ITPR1: variants seen among roughly 807,000 people sequenced by gnomAD.
ITPR1 encodes inositol 1,4,5-trisphosphate-gated calcium channel ITPR1.
In ITPR1, 96 loss-of-function variants were observed where a neutral mutation model predicts 318.4. The ratio of observed to expected loss-of-function variants is 0.30; its 90% CI spans 0.26 to 0.36. ITPR1 has a LOEUF of 0.36. Ranked by LOEUF, ITPR1 falls within the 10% of genes least tolerant of loss-of-function variation. The probability of loss-of-function intolerance (pLI) is 1.00; values close to 1 mark genes in which losing one functional copy is unlikely to be tolerated. For missense variants in ITPR1, 2,440 were observed against 3,460.2 expected (o/e 0.71, Z 7.40); for synonymous variants, 1,312 against 1,289.9 (o/e 1.02, Z -0.37).
At chr3:4,728,570 C>T (rs2042688326) in intron 42 of ITPR1, among the ~76,000 whole-genome samples, 1 of 152,162 alleles carries the variant, frequency 6.6e-6, no homozygotes, top group Admixed American at 6.5e-5. Flanking sequence ...TCCCCTCAAG[C>T]ATTTATCCTT....
rs558427838 is a variant in ITPR1 at position 4,551,933 on chromosome 3, C to T, written c.163+30839C>T. ...GAAAAGATAATTTGATTGACTCTAACGAACATTTATTACATATGCTCTGGA... is the reference window on the plus strand; with the variant it reads ...GAAAAGATAATTTGATTGACTCTAATGAACATTTATTACATATGCTCTGGA... On this transcript the variant is annotated intron_variant, in intron 4 of 61. Transcript: ENST00000649015. Among the ~76,000 whole-genome samples, 10 of 152,298 alleles carry T rather than the reference C, an allele frequency of 6.6e-5. No individual in the cohort carries two copies. In the South Asian group the frequency reaches 1.2e-3, roughly 19 times the overall value.
At chr3:4,771,981 C>T (rs865840308) in intron 46 of ITPR1, among the ~76,000 whole-genome samples, 30 of 152,084 alleles carry the variant, frequency 2.0e-4, no homozygotes, top group African/African-American at 7.0e-4. Flanking sequence ...TTCTGCAGGG[C>T]CCAGTTAGAA....
chr3:4,657,397 G>T (rs55828453), intron 12 of ITPR1, among the ~76,000 whole-genome samples: 14,130 of 124,304 alleles, frequency 0.11, 1,844 homozygotes, highest in African/African-American at 0.33. Context: ...TTTTTTTTTT[G>T]TTTTTTTTTT....
At chr3:4,638,631 G>A (rs1021673879) in intron 5 of ITPR1, among the ~76,000 whole-genome samples, 4 of 152,306 alleles carry the variant, frequency 2.6e-5, no homozygotes, top group Admixed American at 2.0e-4. Flanking sequence ...ATTATTAAGC[G>A]AAGATTTAAA....
intron 44 of ITPR1, among the ~76,000 whole-genome samples, chr3:4,742,331 A>T (rs146558744): frequency 0.017 from 2,586 of 152,358 alleles, 21 homozygotes; most frequent in Non-Finnish European, 0.026. Flanking sequence ...GTTACGAAGA[A>T]CATGAGGGTA....
intron 12 of ITPR1, among the ~76,000 whole-genome samples, 176 bp from the exon 13 acceptor site, chr3:4,657,948 C>T (rs2093750038): frequency 6.6e-6 from 1 of 152,132 alleles, no homozygotes; most frequent in African/African-American, 2.4e-5. Flanking sequence ...CGTAAATATC[C>T]CTGGCTGCAT....
At chr3:4,734,617 T>G (rs2043148759) in intron 43 of ITPR1, among the ~76,000 whole-genome samples, 1 of 152,256 alleles carries the variant, frequency 6.6e-6, no homozygotes, top group Non-Finnish European at 1.5e-5. Flanking sequence ...CCTCTCTTCT[T>G]AAGTATATTC....
At chr3:4,511,785 C>T (rs1199157762) in intron 2 of ITPR1, among the ~76,000 whole-genome samples, 1 of 152,140 alleles carries the variant, frequency 6.6e-6, no homozygotes, top group Non-Finnish European at 1.5e-5. Flanking sequence ...CTGCCATGGG[C>T]TGAGAGGTGC....
chr3:4,583,867 T>A (rs963849704), intron 4 of ITPR1, among the ~76,000 whole-genome samples: 8 of 152,206 alleles, frequency 5.3e-5, no homozygotes, highest in Non-Finnish European at 1.0e-4. Flanking sequence ...ACTAATGAGA[T>A]GTTTACACAT....
At chr3:4,830,259 A>G (rs2050386565) in intron 60 of ITPR1, among the ~76,000 whole-genome samples, 1 of 152,008 alleles carries the variant, frequency 6.6e-6, no homozygotes, top group Non-Finnish European at 1.5e-5. Context: ...TACAGGCGTG[A>G]GCCACCATGC....
chr3:4,590,418 G>A (rs944993905), intron 4 of ITPR1, among the ~76,000 whole-genome samples: 1 of 151,560 alleles, frequency 6.6e-6, no homozygotes, highest in African/African-American at 2.4e-5. Flanking sequence ...GCATTATGGT[G>A]TTTCTGGCTT....
intron 43 of ITPR1, 34 bp from the exon 44 acceptor site, chr3:4,735,130 T>G (rs2043183351): frequency 6.4e-7 from 1 of 1,557,946 alleles, no homozygotes; most frequent in Non-Finnish European, 8.8e-7. Flanking sequence ...CTGTTCTGAT[T>G]GTGCTTAGTA....
intron 31 of ITPR1, among the ~76,000 whole-genome samples, chr3:4,690,592 AAAG>A (rs1222898724): frequency 6.6e-6 from 1 of 152,192 alleles, no homozygotes; most frequent in African/African-American, 2.4e-5. Flanking sequence ...CTTAGACCCA[AAAG>A]AAGTATGGGT....
At position 4,779,715 on chromosome 3, in the gene ITPR1, A is replaced by C; in HGVS notation, c.6387+70A>C. The C allele has an allele frequency of 1.5e-5, 16 of 1,075,096 alleles. No homozygotes were observed. Among genetic ancestry groups the C allele is most frequent in the Non-Finnish European group, 2.0e-5 (14 of 704,042 alleles). The allele number at this position is 1,075,096 out of a possible 1,614,324, so 66.6% of individuals were successfully genotyped here. A position where few individuals can be genotyped will look rare whatever the true frequency, so the allele number is the denominator to read the frequency against. On this transcript the variant is annotated intron_variant, in intron 49 of 61. Transcript: ENST00000649015. This position sits in a 1 kb window ranked among gnomAD's most constrained non-coding sequence, Gnocchi z 4.0. ...GACGATATTTGGGACAGAGCAGAGGATCTGCTTCCTGGAGCTTTCTTGAAG... is the reference window on the plus strand; with the variant it reads ...GACGATATTTGGGACAGAGCAGAGGCTCTGCTTCCTGGAGCTTTCTTGAAG...
intron 17 of ITPR1, 89 bp downstream of exon 17, chr3:4,665,385 T>A: frequency 8.1e-7 from 1 of 1,227,222 alleles, no homozygotes; most frequent in Non-Finnish European, 1.2e-6. Flanking sequence ...GTCACATGTC[T>A]ATTTATAGAA....
chr3:4,765,064 T>TAAAAA (rs2045725542), intron 44 of ITPR1, among the ~76,000 whole-genome samples: 1 of 149,318 alleles, frequency 6.7e-6, no homozygotes, highest in Non-Finnish European at 1.5e-5. Context: ...GCAGGAAACC[T>TAAAAA]AAAAGAAAAG....
intron 24 of ITPR1, among the ~76,000 whole-genome samples, chr3:4,679,562 C>G (rs2094255556): frequency 6.6e-6 from 1 of 152,202 alleles, no homozygotes; most frequent in Admixed American, 6.5e-5. Flanking sequence ...TATCCAGGCC[C>G]TCCGTGGATT....
intron 41 of ITPR1, 22 bp from the exon 42 acceptor site, chr3:4,727,104 G>C: frequency 6.3e-7 from 1 of 1,595,020 alleles, no homozygotes; most frequent in South Asian, 1.1e-5. Context: ...GTATTAAAAT[G>C]GAATTTCTGC....
rs1167472133 is a variant in ITPR1, at chr3:4,775,404, C to A, written c.6142C>A (p.Leu2048Met). The A allele has an allele frequency of 1.2e-6, 2 of 1,613,886 alleles. No individual in the cohort carries two copies. The highest frequency in any genetic ancestry group is 1.7e-6 in the Non-Finnish European group (2 of 1,179,796). Residue 2048 changes from leucine (L) to methionine (M), a missense_variant, in exon 47 of 62, where the codon CTG (leucine) becomes ATG (methionine). Physicochemically the swap from Leu to Met is conservative, Grantham distance 15. Coordinates refer to ENST00000649015, the MANE Select transcript of ITPR1 (RefSeq NM_001378452.1). ...GCTTATCAACCAAACCCTGGAAAGT[C>A]TGACCGAATACTGTCAAGGACCTTG... Reference protein sequence around the residue: ...VALINQTLESLTEYCQGPCHE... With the variant: ...VALINQTLESMTEYCQGPCHE...
Sources: gnomAD v4.1 joint callset for allele counts (sites outside exome capture counted in the v4.1 genomes callset) on GRCh38, gnomAD v4.1.1 for gene constraint, Gnocchi (gnomAD v3.1) non-coding constraint, MANE v1.5 for transcripts, NCBI Gene and HGNC (gene_info 2026-07-23, HGNC 2026-07-21) for gene names.